THUMPD3: variants seen among roughly 807,000 people sequenced by gnomAD.
The protein encoded by THUMPD3 is THUMP domain 3 tRNA guanosine methyltransferase, also known as tRNA (guanine(6)-N(2))-methyltransferase THUMP3.
A neutral mutation model predicts 54.5 loss-of-function variants in THUMPD3; 44 were observed. That is an observed-to-expected ratio of 0.81 (90% CI 0.63 to 1.04). The LOEUF (loss-of-function observed/expected upper bound fraction) is 1.04, where lower values mean the gene tolerates loss of function less well. Among genes scored for constraint, THUMPD3 ranks in the 50% least tolerant of loss-of-function variants. The probability of loss-of-function intolerance (pLI) is 0.00; values close to 1 mark genes in which losing one functional copy is unlikely to be tolerated. For synonymous variants in THUMPD3, 196 were observed against 201.4 expected (o/e 0.97, Z 0.23); for missense variants, 604 against 601.3 (o/e 1.00, Z -0.05).
At chr3:9,370,779 A>T (rs545503648) in intron 3 of THUMPD3, among the ~76,000 whole-genome samples, 20 of 152,304 alleles carry the variant, frequency 1.3e-4, no homozygotes, top group African/African-American at 4.3e-4. Flanking sequence ...TTCCCAAACA[A>T]TACAGTATAA....
At chr3:9,384,177 TG>T in intron 8 of THUMPD3, 34 bp from the exon 9 acceptor site, 1 of 1,604,502 alleles carries the variant, frequency 6.2e-7, no homozygotes, top group Non-Finnish European at 8.5e-7. Context: ...TTGTATCTTT[TG>T]CAAGTGTTTG....
chr3:9,381,554 A>C (rs1024890809), intron 7 of THUMPD3, among the ~76,000 whole-genome samples: 1 of 151,780 alleles, frequency 6.6e-6, no homozygotes, highest in African/African-American at 2.4e-5. Context: ...GGAAGGCTTC[A>C]ATTTTCTTAA....
chr3:9,383,348 C>A, intron 8 of THUMPD3, 39 bp downstream of exon 8: 2 of 1,441,798 alleles, frequency 1.4e-6, no homozygotes, highest in South Asian at 1.1e-5. Flanking sequence ...CTAAATATGT[C>A]ATTATTTTCC....
intron 3 of THUMPD3, among the ~76,000 whole-genome samples, chr3:9,369,757 A>G (rs1014603338): frequency 6.6e-6 from 1 of 152,224 alleles, no homozygotes; most frequent in Non-Finnish European, 1.5e-5. Context: ...TCTTGTACAT[A>G]TTCAAACTGA....
chr3:9,384,169 G>C, intron 8 of THUMPD3, 43 bp from the exon 9 acceptor site: 1 of 1,600,198 alleles, frequency 6.2e-7, no homozygotes, highest in Non-Finnish European at 8.5e-7. Context: ...CTTCTATTTT[G>C]TATCTTTTGC....
At chr3:9,381,036 A>G (rs1129869) in intron 7 of THUMPD3, 4,181 of 156,704 alleles carry the variant, frequency 0.027, 65 homozygotes, top group Middle Eastern at 0.043. Context: ...AGCTCAAGCA[A>G]TCCTCCTGCC....
At chr3:9,365,569 A>G (rs1459279148) in intron 2 of THUMPD3, among the ~76,000 whole-genome samples, 3 of 151,686 alleles carry the variant, frequency 2.0e-5, no homozygotes, top group Non-Finnish European at 4.4e-5. Context: ...TATTTGCATT[A>G]TACTTGCCAG....
At position 9,371,086 on chromosome 3, in the gene THUMPD3, C is replaced by A. The variant is rs1199979746; in HGVS notation, c.357C>A (p.Asp119Glu). 1 of 1,574,070 alleles carries A rather than the reference C, an allele frequency of 6.4e-7. No individual in the cohort carries two copies. Among genetic ancestry groups the A allele is most frequent in the Non-Finnish European group, 8.6e-7 (1 of 1,167,690 alleles). ...AAGAAGTTCTAAAGGATTTTGAAGA[C>A]TTGGCTGGAAAACTCCCATGGTCAA... ...TKEEVLKDFE[D>E]LAGKLPWSNP... Residue 119 changes from aspartate to glutamate, a missense_variant, in exon 4 of 10, where the codon GAC becomes GAA. Physicochemically the swap from Asp to Glu is conservative, Grantham distance 45. Transcript: ENST00000452837.
At chr3:9,383,379 GA>G (rs1454089664) in intron 8 of THUMPD3, 70 bp downstream of exon 8, 1 of 1,242,608 alleles carries the variant, frequency 8.0e-7, no homozygotes, top group Non-Finnish European at 1.2e-6. Flanking sequence ...TCTAAGTCAG[GA>G]AAAAAATCTT....
intron 3 of THUMPD3, 60 bp from the exon 4 acceptor site, chr3:9,371,000 G>A (rs1435699082): frequency 1.5e-6 from 2 of 1,374,506 alleles, no homozygotes; most frequent in East Asian, 2.3e-5. Context: ...CAAAGTAGAG[G>A]TTTATTTGTT....
chr3:9,377,844 A>C lies in THUMPD3; in HGVS notation c.964A>C (p.Ile322Leu), dbSNP rs1031823999. 6.2e-7 allele frequency: 1 copy of C among 1,613,772 alleles called. No homozygotes were observed. Among genetic ancestry groups the C allele is most frequent in the Non-Finnish European group, 8.5e-7 (1 of 1,179,716 alleles). Residue 322 changes from isoleucine to leucine, a missense_variant, in exon 6 of 10, where the codon ATA (isoleucine) becomes CTA (leucine). By Grantham distance (5) the Ile-to-Leu change is conservative. Transcript: ENST00000452837. ...LRLCDPLPYDIIVDPMCGTGA... is the reference protein window; with the variant it reads ...LRLCDPLPYDLIVDPMCGTGA... ...GCTCTGTGATCCTCTACCTTATGAT[A>C]TAATAGTCGATCCAATGTGTGGAAC...
chr3:9,366,844 ATTG>A (rs1343559263), intron 2 of THUMPD3, 61 bp from the exon 3 acceptor site: 13 of 1,311,164 alleles, frequency 9.9e-6, no homozygotes, highest in African/African-American at 3.0e-5. Context: ...TAAATACTTA[ATTG>A]TTGATAGCTT....
At chr3:9,377,765 T>C in intron 5 of THUMPD3, 54 bp from the exon 6 acceptor site, 2 of 1,403,416 alleles carry the variant, frequency 1.4e-6, no homozygotes, top group Non-Finnish European at 1.0e-6. Flanking sequence ...ATCATCAGTA[T>C]AGAAGCCTCA....
chr3:9,367,024 C>T (rs2031621956), intron 3 of THUMPD3, 39 bp downstream of exon 3: 6 of 1,488,050 alleles, frequency 4.0e-6, no homozygotes, highest in Non-Finnish European at 5.6e-6. Context: ...TTTTGGCTGT[C>T]TTCCACAAAG....
chr3:9,374,459 A>G (rs1022935789), intron 4 of THUMPD3, 57 bp from the exon 5 acceptor site: 8 of 1,594,476 alleles, frequency 5.0e-6, no homozygotes, highest in Non-Finnish European at 6.8e-6. Flanking sequence ...AAGTCTTATT[A>G]CTAAGCGCAG....
At chr3:9,367,426 T>C (rs1314373483) in intron 3 of THUMPD3, among the ~76,000 whole-genome samples, 1 of 152,222 alleles carries the variant, frequency 6.6e-6, no homozygotes, top group African/African-American at 2.4e-5. Context: ...TAAATACTCC[T>C]TCAGTTGTTA....
rs2032026325 is a variant in THUMPD3, at chr3:9,371,396, C to G, written c.667C>G (p.Gln223Glu). Residue 223 changes from glutamine to glutamate, a missense_variant, in exon 4 of 10, where the codon CAA (glutamine) becomes GAA (glutamate). Gln to Glu is a conservative substitution (Grantham distance 29, BLOSUM62 2). Coordinates refer to ENST00000452837, the MANE Select transcript of THUMPD3 (RefSeq NM_001114092.2). ...DESSKEETEP[Q>E]VLKFRVTCNR... ...AAGCTCAAAAGAAGAAACTGAGCCT[C>G]AAGTGCTGAAGTTTAGAGTCACATG... 1.2e-6 allele frequency: 2 copies of G among 1,614,122 alleles called. No individual in the cohort carries two copies. The highest frequency in any genetic ancestry group is 1.7e-6 in the Non-Finnish European group (2 of 1,180,016).
At chr3:9,377,136 T>C (rs372146359) in intron 5 of THUMPD3, among the ~76,000 whole-genome samples, 11 of 152,304 alleles carry the variant, frequency 7.2e-5, no homozygotes, top group African/African-American at 2.6e-4. Context: ...TGAGACATTT[T>C]TGAGTCTTTT....
At chr3:9,371,627 T>C (rs1202805003) in intron 4 of THUMPD3, 91 bp downstream of exon 4, 1 of 1,117,986 alleles carries the variant, frequency 8.9e-7, no homozygotes, top group Non-Finnish European at 1.3e-6. Context: ...ACAATTAAAC[T>C]GAGGAAATAG....
Sources: allele counts gnomAD v4.1 joint callset (sites outside exome capture counted in the v4.1 genomes callset), GRCh38; gene constraint gnomAD v4.1.1; transcripts MANE v1.5; gene names NCBI Gene and HGNC (gene_info 2026-07-23, HGNC 2026-07-21).